UBE2W: variants seen among roughly 807,000 people sequenced by gnomAD.
The protein encoded by UBE2W is ubiquitin conjugating enzyme E2 W.
UBE2W carries 18 observed loss-of-function variants against 27.2 expected under a neutral mutation model. That is an observed-to-expected ratio of 0.66 (90% CI 0.46 to 0.98). UBE2W has a LOEUF of 0.98. Ranked by LOEUF, UBE2W falls within the 50% of genes least tolerant of loss-of-function variation. UBE2W has a pLI of 0.00. For missense variants in UBE2W, 90 were observed against 180.2 expected (o/e 0.50, Z 2.87); for synonymous variants, 53 against 57.2 (o/e 0.93, Z 0.33).
At chr8:73,869,342 G>T (rs1472428755) in intron 1 of UBE2W, among the ~76,000 whole-genome samples, 1 of 152,148 alleles carries the variant, frequency 6.6e-6, no homozygotes, top group Non-Finnish European at 1.5e-5. Context: ...CGGATCACAA[G>T]GTCTAGGAGT....
chr8:73,850,090 A>C (rs1213188765), intron 1 of UBE2W, among the ~76,000 whole-genome samples: 1 of 152,234 alleles, frequency 6.6e-6, no homozygotes, highest in Non-Finnish European at 1.5e-5. Flanking sequence ...AAAAGCAAAC[A>C]AAAGGATAAC....
chr8:73,794,438 C>T (rs149750762), intron 5 of UBE2W, among the ~76,000 whole-genome samples: 1 of 152,260 alleles, frequency 6.6e-6, no homozygotes, highest in East Asian at 1.9e-4. Flanking sequence ...TTATGGGCAA[C>T]AAGTTCACAT....
intron 4 of UBE2W, among the ~76,000 whole-genome samples, chr8:73,807,729 A>C (rs1243403101): frequency 2.6e-5 from 4 of 152,180 alleles, no homozygotes; most frequent in Non-Finnish European, 5.9e-5. Flanking sequence ...GTTGATTAGA[A>C]CCCAAGAATC....
rs67427702 is a variant in UBE2W at position 73,822,602 on chromosome 8, CAAAAAAAAAAAAAAAAAAA to C, written c.210+2526_210+2544del. Reference sequence around the variant, plus strand: ...TTCACTCTATTAAATCTTGCAACTGCAAAAAAAAAAAAAAAAAAAAAAAAAAAAAAAATTAGCTGGGTGT... The same window carrying C: ...TTCACTCTATTAAATCTTGCAACTGCAAAAAAAAAAAAATTAGCTGGGTGT... On this transcript the variant is annotated intron_variant, in intron 3 of 5. Transcript: ENST00000602593. 1.3e-3 allele frequency among the ~76,000 whole-genome samples: 69 copies of C among 51,228 alleles called. 1 individual carries two copies. The highest frequency in any genetic ancestry group is 4.1e-3 in the African/African-American group (68 of 16,518). 33.6% of individuals were successfully genotyped at this position (51,228 alleles called of 152,430 possible). A position where few individuals can be genotyped will look rare whatever the true frequency, so the allele number is the denominator to read the frequency against.
chr8:73,837,584 G>T (rs1248513856), intron 1 of UBE2W, among the ~76,000 whole-genome samples: 1 of 151,986 alleles, frequency 6.6e-6, no homozygotes, highest in African/African-American at 2.4e-5. Flanking sequence ...ATAAAACTTC[G>T]AGTATGTTTC....
At chr8:73,857,608 G>A (rs977300795) in intron 1 of UBE2W, among the ~76,000 whole-genome samples, 1 of 151,944 alleles carries the variant, frequency 6.6e-6, no homozygotes, top group Admixed American at 6.6e-5. Flanking sequence ...ACAAGGTCAG[G>A]AGTTCGAGAC....
At position 73,792,775 on chromosome 8, in the gene UBE2W, C is replaced by G. The variant is rs1808254822; in HGVS notation, c.*1327G>C. On this transcript the variant is annotated 3_prime_UTR_variant, in exon 6 of 6. Coordinates refer to ENST00000602593, the MANE Select transcript of UBE2W (RefSeq NM_018299.6). Reference sequence around the variant, plus strand: ...TCATTAACTCACATGGTACTGAGAACTGGACCTTTCAACAATTTTTTTTTT... The same window carrying G: ...TCATTAACTCACATGGTACTGAGAAGTGGACCTTTCAACAATTTTTTTTTT... The G allele has an allele frequency of 9.1e-6, 9 of 985,386 alleles. No individual in the cohort carries two copies. Among genetic ancestry groups the G allele is most frequent in the African/African-American group, 1.7e-5 (1 of 57,226 alleles). The allele number at this position is 985,386 out of a possible 1,614,324, so 61.0% of individuals were successfully genotyped here.
At chr8:73,830,161 A>T (rs975033310) in intron 2 of UBE2W, among the ~76,000 whole-genome samples, 2 of 152,162 alleles carry the variant, frequency 1.3e-5, no homozygotes, top group Admixed American at 6.5e-5. Context: ...TGTACCAAAG[A>T]TAGTTTAAAA....
chr8:73,785,157 A>AT (rs1041309069), downstream of UBE2W, among the ~76,000 whole-genome samples: 2 of 151,762 alleles, frequency 1.3e-5, no homozygotes, highest in Admixed American at 6.6e-5. Context: ...CAATATTTTT[A>AT]TTTTTTTTAG....
chr8:73,787,190 CAACAG>C lies in UBE2W; in HGVS notation c.*6907_*6911del. Reference sequence around the variant, plus strand: ...TAAAAAAATGGTTGAAAGGGGCTCCCAACAGGACAGATAACCACAGTGGCTTTGAG... The same window carrying C: ...TAAAAAAATGGTTGAAAGGGGCTCCCGACAGATAACCACAGTGGCTTTGAG... On this transcript the variant is annotated 3_prime_UTR_variant, in exon 6 of 6. Transcript: ENST00000602593. 4.1e-6 allele frequency: 4 copies of C among 985,396 alleles called. No homozygotes were observed. The highest frequency in any genetic ancestry group is 4.8e-6 in the Non-Finnish European group (4 of 829,920). The allele number at this position is 985,396 out of a possible 1,614,324, so 61.0% of individuals were successfully genotyped here.
intron 5 of UBE2W, among the ~76,000 whole-genome samples, chr8:73,799,367 T>A (rs1808547265): frequency 6.6e-6 from 1 of 151,726 alleles, no homozygotes; most frequent in African/African-American, 2.4e-5. Context: ...CTGAGAGAGG[T>A]CTCTTCCAAG....
At chr8:73,785,684 C>T (rs1311042519), downstream of UBE2W, among the ~76,000 whole-genome samples, 3 of 152,122 alleles carry the variant, frequency 2.0e-5, no homozygotes, top group Non-Finnish European at 2.9e-5. Flanking sequence ...CTCTGCCTCC[C>T]GGATTCAAGC....
chr8:73,834,133 T>C (rs981843886), intron 1 of UBE2W: 9 of 152,220 alleles, frequency 5.9e-5, no homozygotes, highest in African/African-American at 9.7e-5. Context: ...CTGTTTTTTC[T>C]GGACAATGAA....
At chr8:73,854,974 C>T (rs1300242381) in intron 1 of UBE2W, among the ~76,000 whole-genome samples, 4 of 152,146 alleles carry the variant, frequency 2.6e-5, no homozygotes, top group Non-Finnish European at 4.4e-5. Flanking sequence ...TTTATCAATA[C>T]GGTAAATTTA....
rs1807987408 is a variant in UBE2W, at chr8:73,787,078, T to C, written c.*7024A>G. 1.0e-6 allele frequency: 1 copy of C among 985,446 alleles called. No homozygotes were observed. The highest frequency in any genetic ancestry group is 1.2e-6 in the Non-Finnish European group (1 of 829,938). 61.0% of individuals were successfully genotyped at this position (985,446 alleles called of 1,614,324 possible). Reference sequence around the variant, plus strand: ...TAAACTTTCCTTATTATTTCCATAATCCACTTAACTGTAAAGGGCGTAGGG... The same window carrying C: ...TAAACTTTCCTTATTATTTCCATAACCCACTTAACTGTAAAGGGCGTAGGG... On this transcript the variant is annotated 3_prime_UTR_variant, in exon 6 of 6. Coordinates refer to ENST00000602593, the MANE Select transcript of UBE2W (RefSeq NM_018299.6).
intron 1 of UBE2W, chr8:73,831,725 A>C (rs775186552): frequency 6.6e-6 from 1 of 151,084 alleles, no homozygotes; most frequent in Non-Finnish European, 1.5e-5. Context: ...ATTAAAAAAA[A>C]AAATTTTTTT....
intron 2 of UBE2W, among the ~76,000 whole-genome samples, chr8:73,826,367 A>T (rs1222923115): frequency 6.6e-6 from 1 of 152,206 alleles, no homozygotes; most frequent in African/African-American, 2.4e-5. Flanking sequence ...TCCTAATTAT[A>T]GCTCTGTCAC....
rs1809267152 is a variant in UBE2W, at chr8:73,813,672, T to G, written c.211-3043A>C. On this transcript the variant is annotated intron_variant, in intron 3 of 5. Coordinates refer to ENST00000602593, the MANE Select transcript of UBE2W (RefSeq NM_018299.6). Reference sequence around the variant, plus strand: ...CAGAGGTGAATTTACATGCCAGAGGTGAATTTCTGAAATAAAAGGAAATTT... The same window carrying G: ...CAGAGGTGAATTTACATGCCAGAGGGGAATTTCTGAAATAAAAGGAAATTT... Among the ~76,000 whole-genome samples the G allele has an allele frequency of 2.7e-5, 4 of 145,756 alleles. No individual in the cohort carries two copies. The South Asian group carries it at 8.6e-4, about 31-fold the overall frequency.
intron 1 of UBE2W, among the ~76,000 whole-genome samples, chr8:73,835,144 C>G (rs990241193): frequency 6.6e-6 from 1 of 151,040 alleles, no homozygotes; most frequent in African/African-American, 2.4e-5. Flanking sequence ...AAGCGAAACA[C>G]AAGACAACAA....
Sources: allele counts gnomAD v4.1 joint callset (sites outside exome capture counted in the v4.1 genomes callset), GRCh38; gene constraint gnomAD v4.1.1; transcripts MANE v1.5; gene names NCBI Gene and HGNC (gene_info 2026-07-23, HGNC 2026-07-21).